Variants in OTUB1 observed in about 807,000 individuals in gnomAD.
OTUB1 encodes the protein OTU deubiquitinase, ubiquitin aldehyde binding 1.
OTUB1 carries 10 observed loss-of-function variants against 35.8 expected under a neutral mutation model. The ratio of observed to expected loss-of-function variants is 0.28; its 90% CI spans 0.17 to 0.47. The LOEUF is 0.47. Ranked by LOEUF, OTUB1 falls within the 20% of genes least tolerant of loss-of-function variation. The pLI is 0.99. For missense variants in OTUB1, 264 were observed against 351.6 expected, an observed-to-expected ratio of 0.75 and a Z score of 1.99; for synonymous variants, 158 against 143.8, an observed-to-expected ratio of 1.10 and a Z score of -0.71.
At position 63,997,218 on chromosome 11, in the gene OTUB1, C is replaced by G; in HGVS notation, c.592C>G (p.Arg198Gly). 2 of 1,614,156 alleles carry G rather than the reference C, an allele frequency of 1.2e-6. No homozygotes were observed. Among genetic ancestry groups the G allele is most frequent in the Non-Finnish European group, 8.5e-7 (1 of 1,179,994 alleles). Residue 198 changes from arginine (R) to glycine (G), a missense_variant, in exon 6 of 7, where the codon CGG becomes GGG. Physicochemically the swap from Arg to Gly is moderately radical, Grantham distance 125. This residue lies in a region of OTUB1 where 214 missense variants were observed against 317.1 expected (regional missense o/e 0.67). Coordinates refer to ENST00000538426, the MANE Select transcript of OTUB1 (RefSeq NM_017670.3). The stretch of plus-strand genomic sequence containing the variant: ...CTTCGAGCACTTCATCGAGGGTGGA[C>G]GGACTGTCAAGGAGTTCTGCCAGCA... ...KFFEHFIEGG[R>G]TVKEFCQQEV...
intron 3 of OTUB1, among the ~76,000 whole-genome samples, chr11:63,995,459 G>A (rs1014107474): frequency 6.6e-6 from 1 of 152,062 alleles, no homozygotes; most frequent in African/African-American, 2.4e-5. Context: ...GCCTCCCAAA[G>A]TGCTGCGATT....
Position 63,997,590 on chromosome 11 carries a change from G to T in OTUB1, c.*44G>T. 6.4e-7 allele frequency: 1 copy of T among 1,553,030 alleles called. No individual in the cohort carries two copies. The highest frequency in any genetic ancestry group is 1.1e-5 in the South Asian group (1 of 89,966). On this transcript the variant is annotated 3_prime_UTR_variant, in exon 7 of 7. Coordinates refer to ENST00000538426, the MANE Select transcript of OTUB1 (RefSeq NM_017670.3). ...GCTGCCCTGCTGCCCCCCTCTGCCA[G>T]GCGCTAGACATGTACAGAGGTTTTT...
At chr11:63,996,481 C>T in intron 3 of OTUB1, 49 bp from the exon 4 acceptor site, 7 of 1,589,098 alleles carry the variant, frequency 4.4e-6, no homozygotes, top group South Asian at 1.1e-5. Flanking sequence ...CTTGGCCAGC[C>T]CCCGTTCTGG....
At chr11:63,991,602 T>A (rs1007296304) in intron 3 of OTUB1, among the ~76,000 whole-genome samples, 1 of 152,224 alleles carries the variant, frequency 6.6e-6, no homozygotes, top group Non-Finnish European at 1.5e-5. Context: ...CTAAATGGGC[T>A]CTTGTGAGGA....
intron 2 of OTUB1, 75 bp downstream of exon 2, chr11:63,988,473 C>A (rs1309387854): frequency 7.0e-7 from 1 of 1,429,148 alleles, no homozygotes; most frequent in Middle Eastern, 2.1e-4. Flanking sequence ...GGGCATGAGG[C>A]CTATTGTCTG....
chr11:63,986,892 C>G lies in OTUB1; in HGVS notation c.58+378C>G, dbSNP rs574001090. 71 of 212,462 alleles carry G rather than the reference C, an allele frequency of 3.3e-4. 1 individual carries two copies. The highest frequency in any genetic ancestry group is 2.9e-3 in the Middle Eastern group (2 of 678). The allele number at this position is 212,462 out of a possible 1,614,324, so 13.2% of individuals were successfully genotyped here. A position where few individuals can be genotyped will look rare whatever the true frequency, so the allele number is the denominator to read the frequency against. On this transcript the variant is annotated intron_variant, in intron 1 of 6. Coordinates refer to ENST00000538426, the MANE Select transcript of OTUB1 (RefSeq NM_017670.3). ...CGCCAGGGCCGAGCCCCCCGGCCTGCTCCAGCGGCGGCCCGCGCCGTGAGG... is the reference window on the plus strand; with the variant it reads ...CGCCAGGGCCGAGCCCCCCGGCCTGGTCCAGCGGCGGCCCGCGCCGTGAGG...
Position 63,997,249 on chromosome 11 carries a change from C to T in OTUB1, c.618+5C>T, listed in dbSNP as rs201708562. 6.0e-5 allele frequency: 96 copies of T among 1,612,700 alleles called. No homozygotes were observed. In the East Asian group the frequency reaches 1.0e-3, roughly 18 times the overall value. On this transcript the variant is annotated splice_donor_5th_base_variant and intron_variant, in intron 6 of 6. Coordinates refer to ENST00000538426, the MANE Select transcript of OTUB1 (RefSeq NM_017670.3). Reference sequence around the variant, plus strand: ...GTCAAGGAGTTCTGCCAGCAGGTGCCGTCCCCCTCCCCTTTACTCTCGGCC... The same window carrying T: ...GTCAAGGAGTTCTGCCAGCAGGTGCTGTCCCCCTCCCCTTTACTCTCGGCC...
At chr11:63,987,347 C>T (rs2134304196) in intron 1 of OTUB1, among the ~76,000 whole-genome samples, 1 of 152,308 alleles carries the variant, frequency 6.6e-6, no homozygotes. Flanking sequence ...AGTGGGAAAA[C>T]GGCCCCGGAA....
At chr11:63,996,225 G>A (rs1942715281) in intron 3 of OTUB1, among the ~76,000 whole-genome samples, 1 of 152,160 alleles carries the variant, frequency 6.6e-6, no homozygotes, top group Non-Finnish European at 1.5e-5. Flanking sequence ...TGGAGGAAAC[G>A]CATTGCTCAA....
At chr11:63,995,259 CA>C (rs1419732447) in intron 3 of OTUB1, among the ~76,000 whole-genome samples, 3 of 151,982 alleles carry the variant, frequency 2.0e-5, no homozygotes, top group Non-Finnish European at 4.4e-5. Flanking sequence ...TGCGATGGCG[CA>C]ATCTCGGCTC....
In OTUB1 at chr11:63,988,732, A is replaced by T; in HGVS notation, c.199A>T (p.Ile67Phe). 1 of 1,611,914 alleles carries T rather than the reference A, an allele frequency of 6.2e-7. No homozygotes were observed. Among genetic ancestry groups the T allele is most frequent in the Non-Finnish European group, 8.5e-7 (1 of 1,178,550 alleles). Residue 67 changes from isoleucine (I) to phenylalanine (F), a missense_variant, in exon 3 of 7, where the codon ATC becomes TTC. Ile to Phe is a conservative substitution (Grantham distance 21). Transcript: ENST00000538426. ...LYKEYAEDDN[I>F]YQQKIKDLHK... ...CAAGGAGTATGCTGAAGATGACAACATCTATCAACAGAAGATCAAGGTGGG... is the reference window on the plus strand; with the variant it reads ...CAAGGAGTATGCTGAAGATGACAACTTCTATCAACAGAAGATCAAGGTGGG...
chr11:63,991,401 GA>G (rs1447622063), intron 3 of OTUB1, among the ~76,000 whole-genome samples: 1 of 152,216 alleles, frequency 6.6e-6, no homozygotes, highest in Non-Finnish European at 1.5e-5. Context: ...TGGTAAAGTG[GA>G]CAGGACAGGC....
rs3802940 is a variant in OTUB1 at position 63,997,993 on chromosome 11, C to T, written c.*447C>T. On this transcript the variant is annotated 3_prime_UTR_variant, in exon 7 of 7. Coordinates refer to ENST00000538426, the MANE Select transcript of OTUB1 (RefSeq NM_017670.3). Reference sequence around the variant, plus strand: ...TGCTCCCTCATAGGCCCCACCTCCACGTCCCGGCTGGGCCCCAGACCCCAG... The same window carrying T: ...TGCTCCCTCATAGGCCCCACCTCCATGTCCCGGCTGGGCCCCAGACCCCAG... 1,322 of 554,378 alleles carry T rather than the reference C, an allele frequency of 2.4e-3. 18 individuals carry two copies. In the East Asian group the frequency reaches 0.033, roughly 14 times the overall value. 34.3% of individuals were successfully genotyped at this position (554,378 alleles called of 1,614,324 possible).
At chr11:63,986,956 G>A (rs1265577846) in intron 1 of OTUB1, 1 of 167,696 alleles carries the variant, frequency 6.0e-6, no homozygotes, top group Admixed American at 6.4e-5. Flanking sequence ...CAAAGGTCCG[G>A]GCGGGCCATT....
Position 63,997,933 on chromosome 11 carries a change from C to T in OTUB1, c.*387C>T. ...TGGGATCCTGGAAGTTCCTTAGGGA[C>T]TTGCCCAGGGTCCCAGGGCCACCCA... On this transcript the variant is annotated 3_prime_UTR_variant, in exon 7 of 7. Coordinates refer to ENST00000538426, the MANE Select transcript of OTUB1 (RefSeq NM_017670.3). The T allele has an allele frequency of 1.7e-6, 1 of 600,558 alleles. No individual in the cohort carries two copies. The highest frequency in any genetic ancestry group is 3.0e-6 in the Non-Finnish European group (1 of 337,388). The allele number at this position is 600,558 out of a possible 1,614,324, so 37.2% of individuals were successfully genotyped here.
At chr11:63,996,037 T>G (rs1942713478) in intron 3 of OTUB1, among the ~76,000 whole-genome samples, 1 of 152,056 alleles carries the variant, frequency 6.6e-6, no homozygotes, top group South Asian at 2.1e-4. Flanking sequence ...GGAGGCTGTT[T>G]CTAGCCCCAG....
At chr11:63,992,322 C>T (rs529590043) in intron 3 of OTUB1, among the ~76,000 whole-genome samples, 25 of 152,002 alleles carry the variant, frequency 1.6e-4, no homozygotes, top group African/African-American at 5.3e-4. Context: ...AGAAAAAGAC[C>T]GGGGAGCGAG....
rs374294531 is a variant in OTUB1 at position 63,996,550 on chromosome 11, G to T, written c.240G>T (p.Ser80=). The change falls in exon 4 of 7, where the codon TCG becomes TCT. Residue 80 remains serine (S), a synonymous_variant. Coordinates refer to ENST00000538426, the MANE Select transcript of OTUB1 (RefSeq NM_017670.3). ...QKIKDLHKKY[S]YIRKTRPDGN... ...CGCAGGACCTCCACAAAAAGTACTC[G>T]TACATCCGCAAGACCAGGCCTGACG... is the stretch of plus-strand genomic sequence containing the variant. The T allele has an allele frequency of 6.2e-7, 1 of 1,614,202 alleles. No homozygotes were observed. Among genetic ancestry groups the T allele is most frequent in the East Asian group, 2.2e-5 (1 of 44,878 alleles).
chr11:63,986,650 C>G (rs1942622771), intron 1 of OTUB1, 136 bp downstream of exon 1: 1 of 673,310 alleles, frequency 1.5e-6, no homozygotes, highest in East Asian at 3.0e-5. Context: ...TCCACCTCCG[C>G]TGCCTCCCCT....
Sources: gnomAD v4.1 joint callset for allele counts (sites outside exome capture counted in the v4.1 genomes callset) on GRCh38, gnomAD v4.1.1 for gene constraint, gnomAD v4.1.1 regional missense constraint, MANE v1.5 for transcripts, NCBI Gene and HGNC (gene_info 2026-07-23, HGNC 2026-07-21) for gene names.